The following SLC24A2 variants were observed in gnomAD, a reference collection of about 807,000 sequenced individuals.
SLC24A2 encodes solute carrier family 24 member 2.
SLC24A2 carries 36 observed loss-of-function variants against 62.0 expected under a neutral mutation model. That is an observed-to-expected ratio of 0.58 (90% confidence interval 0.44 to 0.77). The LOEUF is 0.77. SLC24A2 is among the 30% of genes least tolerant of loss of function. The pLI is 0.00. For synonymous variants in SLC24A2, 358 were observed against 294.0 expected (o/e 1.22, Z -2.23); for missense variants, 846 against 817.9 (o/e 1.03, Z -0.42).
chr9:20,210,301 G>A, the SLC24A2 span, among the ~76,000 whole-genome samples: 1 of 152,190 alleles, frequency 6.6e-6, no homozygotes, highest in South Asian at 2.1e-4. Context: ...TACATTTAAA[G>A]CAAGTGCTGG....
intron 2 of SLC24A2, among the ~76,000 whole-genome samples, chr9:19,709,863 C>A (rs1820662034): frequency 6.6e-6 from 1 of 151,688 alleles, no homozygotes; most frequent in African/African-American, 2.4e-5. Flanking sequence ...AACTAACCTG[C>A]ACATTGTGCA....
the SLC24A2 span, among the ~76,000 whole-genome samples, chr9:20,129,901 G>A: frequency 7.3e-6 from 1 of 137,772 alleles, no homozygotes; most frequent in South Asian, 2.4e-4. Flanking sequence ...GTAACTAATG[G>A]TAAATTTTAT....
the SLC24A2 span, among the ~76,000 whole-genome samples, chr9:19,945,133 G>A: frequency 1.8e-4 from 27 of 152,164 alleles, no homozygotes; most frequent in Non-Finnish European, 3.7e-4. Context: ...TGTCCTATAC[G>A]AGCATAAAAG....
At chr9:19,572,235 G>GCAC (rs1410392684) in intron 7 of SLC24A2, among the ~76,000 whole-genome samples, 1 of 147,010 alleles carries the variant, frequency 6.8e-6, no homozygotes, top group Non-Finnish European at 1.5e-5. Flanking sequence ...ACTCCAGGCT[G>GCAC]GGTGACAGAG....
chr9:20,223,379 C>A, the SLC24A2 span, among the ~76,000 whole-genome samples: 1 of 152,126 alleles, frequency 6.6e-6, no homozygotes, highest in African/African-American at 2.4e-5. Flanking sequence ...AATCTCAACA[C>A]TTTGGGAGGC....
Position 19,762,181 on chromosome 9 carries a change from G to T in SLC24A2, c.930+23756C>A, listed in dbSNP as rs191709417. ...GTTGTTTTTTTCTTGTAAATTTGTT[G>T]AAGTTCCTTGTAGATTCTGGATATT... On this transcript the variant is annotated intron_variant, in intron 2 of 10. Coordinates refer to ENST00000341998, the MANE Select transcript of SLC24A2 (RefSeq NM_020344.4). Among the ~76,000 whole-genome samples, 1,347 of 151,948 alleles carry T rather than the reference G, an allele frequency of 8.9e-3. 24 individuals carry two copies. The highest frequency in any genetic ancestry group is 0.063 in the South Asian group (301 of 4,796).
chr9:19,771,995 C>T (rs1388279560), intron 2 of SLC24A2, among the ~76,000 whole-genome samples: 4 of 152,162 alleles, frequency 2.6e-5, no homozygotes, highest in Non-Finnish European at 5.9e-5. Flanking sequence ...GACAGCAAAA[C>T]AGGCAAAGTT....
the SLC24A2 span, among the ~76,000 whole-genome samples, chr9:20,294,350 G>A: frequency 5.9e-5 from 9 of 152,160 alleles, no homozygotes; most frequent in East Asian, 1.9e-4. Flanking sequence ...AATACCTCCC[G>A]CCCTAGGAAG....
At chr9:19,612,288 G>A (rs1161114117) in intron 4 of SLC24A2, among the ~76,000 whole-genome samples, 1 of 152,066 alleles carries the variant, frequency 6.6e-6, no homozygotes, top group South Asian at 2.1e-4. Context: ...TCTCTGCCAG[G>A]CCTTGTTGTA....
the SLC24A2 span, among the ~76,000 whole-genome samples, chr9:20,193,851 C>A: frequency 2.0e-5 from 3 of 151,962 alleles, no homozygotes; most frequent in African/African-American, 7.2e-5. Context: ...TTAAATATGG[C>A]AAAATGATCC....
At chr9:20,087,812 A>G in the SLC24A2 span, among the ~76,000 whole-genome samples, 1 of 151,716 alleles carries the variant, frequency 6.6e-6, no homozygotes, top group South Asian at 2.1e-4. Context: ...GCATTCATCA[A>G]GAAAACAACC....
chr9:19,710,564 A>T (rs146356408), intron 2 of SLC24A2, among the ~76,000 whole-genome samples: 52 of 152,340 alleles, frequency 3.4e-4, no homozygotes, highest in Middle Eastern at 6.8e-3. Context: ...ACAAATGTTC[A>T]GGTGCTCAAC....
At chr9:19,811,403 A>G in the SLC24A2 span, among the ~76,000 whole-genome samples, 1 of 152,222 alleles carries the variant, frequency 6.6e-6, no homozygotes, top group Non-Finnish European at 1.5e-5. Context: ...ACTGAACTTA[A>G]ATTTGCAATG....
chr9:20,278,488 T>TA, the SLC24A2 span, among the ~76,000 whole-genome samples: 11 of 152,316 alleles, frequency 7.2e-5, no homozygotes, highest in East Asian at 1.9e-3. Context: ...CACAGGTCTC[T>TA]AGGGCAGGGT....
At chr9:20,019,155 A>AG in the SLC24A2 span, among the ~76,000 whole-genome samples, 1,552 of 117,122 alleles carry the variant, frequency 0.013, 97 homozygotes, top group Middle Eastern at 0.017. Flanking sequence ...GAAAGAAAGA[A>AG]AGAGAGAGAG....
At chr9:19,626,177 G>T (rs1243308496) in intron 2 of SLC24A2, among the ~76,000 whole-genome samples, 1 of 152,162 alleles carries the variant, frequency 6.6e-6, no homozygotes, top group Non-Finnish European at 1.5e-5. Context: ...TGATTTTGCT[G>T]ACTATAAAGT....
chr9:20,081,481 G>C, the SLC24A2 span, among the ~76,000 whole-genome samples: 24 of 117,402 alleles, frequency 2.0e-4, no homozygotes, highest in African/African-American at 8.0e-4. Context: ...CTTGTTGAGG[G>C]GTGGGGGGAG....
chr9:19,808,022 G>A, the SLC24A2 span, among the ~76,000 whole-genome samples: 1 of 152,174 alleles, frequency 6.6e-6, no homozygotes, highest in African/African-American at 2.4e-5. This position sits in a 1 kb window ranked among gnomAD's most constrained non-coding sequence, Gnocchi z 4.1. Flanking sequence ...AGGCACTGTG[G>A]GGAAAGACAT....
the SLC24A2 span, among the ~76,000 whole-genome samples, chr9:19,861,163 C>T: frequency 3.3e-5 from 5 of 152,134 alleles, no homozygotes; most frequent in African/African-American, 1.2e-4. Flanking sequence ...ATGTGTGATC[C>T]AGTACACTCC....
Sources: allele counts gnomAD v4.1 joint callset (sites outside exome capture counted in the v4.1 genomes callset), GRCh38; gene constraint gnomAD v4.1.1; non-coding constraint Gnocchi (gnomAD v3.1); transcripts MANE v1.5; gene names NCBI Gene and HGNC (gene_info 2026-07-23, HGNC 2026-07-21).